DCC: variants seen among roughly 807,000 people sequenced by gnomAD.
The protein encoded by DCC is DCC netrin 1 receptor.
In DCC, 58 loss-of-function variants were observed where a neutral mutation model predicts 172.5. The observed-to-expected ratio is 0.34, with a 90% CI of 0.27 to 0.42. The LOEUF is 0.42. DCC is among the 10% of genes least tolerant of loss of function. The pLI, the probability that DCC is intolerant of heterozygous loss-of-function variation, is 1.00. For synonymous variants in DCC, 709 were observed against 644.5 expected, an observed-to-expected ratio of 1.10 and a Z score of -1.52; for missense variants, 1,740 against 1,791.0, an observed-to-expected ratio of 0.97 and a Z score of 0.51.
chr18:53,482,865 G>T (rs1433384137), intron 25 of DCC, among the ~76,000 whole-genome samples: 1 of 151,812 alleles, frequency 6.6e-6, no homozygotes, highest in Non-Finnish European at 1.5e-5. Context: ...TTTAAAAATA[G>T]ACTTTATGCT....
At chr18:53,122,487 G>C (rs767203529) in intron 7 of DCC, among the ~76,000 whole-genome samples, 2 of 151,866 alleles carry the variant, frequency 1.3e-5, no homozygotes, top group Non-Finnish European at 2.9e-5. Context: ...TTTTAATGGA[G>C]AACATAAAGT....
rs542501486 is a variant in DCC, at chr18:52,546,171, G to C, written c.91+205293G>C. On this transcript the variant is annotated intron_variant, in intron 1 of 28. Transcript: ENST00000442544. ...GTGTACGTGCACACACACACACACA[G>C]AGGAAATCCAGATAGCTAGAAAACT... 2.6e-5 allele frequency among the ~76,000 whole-genome samples: 4 copies of C among 152,238 alleles called. No homozygotes were observed. The East Asian group carries it at 5.8e-4, about 22-fold the overall frequency.
chr18:52,481,131 G>T (rs1164459956), intron 1 of DCC, among the ~76,000 whole-genome samples: 1 of 152,110 alleles, frequency 6.6e-6, no homozygotes, highest in Admixed American at 6.5e-5. Context: ...ACTTATTGAG[G>T]TTTAAATATT....
chr18:52,727,363 T>C (rs960385263), intron 1 of DCC, among the ~76,000 whole-genome samples: 1 of 152,170 alleles, frequency 6.6e-6, no homozygotes, highest in African/African-American at 2.4e-5. Context: ...ATTAGAAAGT[T>C]TCCAAGAGTT....
Position 52,638,552 on chromosome 18 carries a change from T to C in DCC, c.92-113502T>C, listed in dbSNP as rs138803469. Reference sequence around the variant, plus strand: ...ATTTTTATATCAGACAAAACAAACTTTAAAGCAACAGCAGTTAAAAGAGAC... The same window carrying C: ...ATTTTTATATCAGACAAAACAAACTCTAAAGCAACAGCAGTTAAAAGAGAC... On this transcript the variant is annotated intron_variant, in intron 1 of 28. Transcript: ENST00000442544. 2.4e-3 allele frequency among the ~76,000 whole-genome samples: 359 copies of C among 152,156 alleles called. 13 individuals carry two copies. In the East Asian group the frequency reaches 0.057, roughly 24 times the overall value.
At chr18:52,527,967 G>T (rs760027050) in intron 1 of DCC, among the ~76,000 whole-genome samples, 1 of 152,074 alleles carries the variant, frequency 6.6e-6, no homozygotes, top group Non-Finnish European at 1.5e-5. Flanking sequence ...GGTCAGCAAG[G>T]CAAATTTGCC....
chr18:52,456,190 G>T (rs1224902273), intron 1 of DCC, among the ~76,000 whole-genome samples: 2 of 151,954 alleles, frequency 1.3e-5, no homozygotes, highest in Non-Finnish European at 2.9e-5. Flanking sequence ...ATTTATCTAA[G>T]GATGAAGCTT....
intron 1 of DCC, among the ~76,000 whole-genome samples, chr18:52,550,789 CAG>C (rs1355579909): frequency 6.6e-6 from 1 of 151,396 alleles, no homozygotes; most frequent in African/African-American, 2.4e-5. Context: ...AAGTGTGTAA[CAG>C]ATGCACTATA....
At chr18:53,324,051 G>A (rs1568056746) in intron 14 of DCC, among the ~76,000 whole-genome samples, 2 of 152,166 alleles carry the variant, frequency 1.3e-5, no homozygotes, top group African/African-American at 2.4e-5. Flanking sequence ...TAAAAAAATA[G>A]TGAATTAATT....
At chr18:52,360,226 T>C (rs1019541294) in intron 1 of DCC, among the ~76,000 whole-genome samples, 1 of 152,242 alleles carries the variant, frequency 6.6e-6, no homozygotes, top group Non-Finnish European at 1.5e-5. Flanking sequence ...AAAAATTCAA[T>C]TTTCTGTTAA....
chr18:53,151,875 CT>C (rs1568333526), intron 7 of DCC, among the ~76,000 whole-genome samples: 3 of 151,874 alleles, frequency 2.0e-5, no homozygotes, highest in South Asian at 2.1e-4. Flanking sequence ...AACCATGCTT[CT>C]TTTTTTGATA....
intron 27 of DCC, among the ~76,000 whole-genome samples, chr18:53,501,926 C>T (rs950289672): frequency 6.6e-6 from 1 of 152,088 alleles, no homozygotes; most frequent in African/African-American, 2.4e-5. Flanking sequence ...CTGCCTAAAA[C>T]AAAATCTGAT....
At chr18:52,874,255 A>G in intron 2 of DCC, among the ~76,000 whole-genome samples, 1 of 152,332 alleles carries the variant, frequency 6.6e-6, no homozygotes, top group Admixed American at 6.5e-5. Flanking sequence ...TAAGCCAATT[A>G]CTTTTAATGA....
At chr18:52,515,662 A>G (rs1031332393) in intron 1 of DCC, among the ~76,000 whole-genome samples, 5 of 148,074 alleles carry the variant, frequency 3.4e-5, no homozygotes, top group Non-Finnish European at 7.5e-5. Flanking sequence ...ACAAAAAAAA[A>G]TAGGATATTG....
chr18:53,160,247 G>T (rs918827834), intron 8 of DCC, among the ~76,000 whole-genome samples: 1 of 152,044 alleles, frequency 6.6e-6, no homozygotes, highest in South Asian at 2.1e-4. Flanking sequence ...ACCAATCACT[G>T]CAACCTCTCA....
intron 1 of DCC, among the ~76,000 whole-genome samples, chr18:52,726,373 A>C (rs1056642192): frequency 6.6e-6 from 1 of 152,062 alleles, no homozygotes; most frequent in African/African-American, 2.4e-5. Context: ...TGATTTTTCT[A>C]TTAAACCTCA....
At chr18:53,500,788 A>G (rs1230603538) in intron 27 of DCC, among the ~76,000 whole-genome samples, 1 of 151,936 alleles carries the variant, frequency 6.6e-6, no homozygotes, top group Non-Finnish European at 1.5e-5. Flanking sequence ...GGCTCAGCAC[A>G]GGTCATGATT....
rs10566106 is a variant in DCC, at chr18:52,948,312, A to ATG, written c.985+22964_985+22965dup. 2.7e-3 allele frequency among the ~76,000 whole-genome samples: 408 copies of ATG among 150,160 alleles called. 1 individual carries two copies. Among genetic ancestry groups the ATG allele is most frequent in the African/African-American group, 2.7e-3 (109 of 40,928 alleles). Reference sequence around the variant, plus strand: ...TATCCATAATTCTATCACAGTGTTGATGTGTGTGTGTGTGTGTGTGTGTCT... The same window carrying ATG: ...TATCCATAATTCTATCACAGTGTTGATGTGTGTGTGTGTGTGTGTGTGTGTCT... On this transcript the variant is annotated intron_variant, in intron 5 of 28. Coordinates refer to ENST00000442544, the MANE Select transcript of DCC (RefSeq NM_005215.4).
At position 52,947,409 on chromosome 18, in the gene DCC, T is replaced by C. The variant is rs9948000; in HGVS notation, c.985+22039T>C. Among the ~76,000 whole-genome samples the C allele has an allele frequency of 7.3e-4, 111 of 152,270 alleles. 1 individual carries two copies. The highest frequency in any genetic ancestry group is 2.5e-3 in the African/African-American group (104 of 41,554). On this transcript the variant is annotated intron_variant, in intron 5 of 28. Transcript: ENST00000442544. Reference sequence around the variant, plus strand: ...TAAGCAAGACCAGTTTGGCATCAGATTTAAGCAAGATATCCATGACTACGA... The same window carrying C: ...TAAGCAAGACCAGTTTGGCATCAGACTTAAGCAAGATATCCATGACTACGA...
Sources: allele counts gnomAD v4.1 joint callset (sites outside exome capture counted in the v4.1 genomes callset), GRCh38; gene constraint gnomAD v4.1.1; transcripts MANE v1.5; gene names NCBI Gene and HGNC (gene_info 2026-07-23, HGNC 2026-07-21).